Variants in KCNIP4 observed in about 807,000 individuals in gnomAD.
The protein encoded by KCNIP4 is Kv channel-interacting protein 4.
KCNIP4 carries 12 observed loss-of-function variants against 34.0 expected under a neutral mutation model. The observed-to-expected ratio is 0.35, with a 90% CI of 0.23 to 0.57. The LOEUF is 0.57. Ranked by LOEUF, KCNIP4 falls within the 20% of genes least tolerant of loss-of-function variation. The pLI is 0.83. For synonymous variants in KCNIP4, 124 were observed against 102.2 expected (o/e 1.21, Z -1.29); for missense variants, 238 against 311.7 (o/e 0.76, Z 1.78).
chr4:21,902,512 T>G (rs1428410104), intron 1 of KCNIP4, among the ~76,000 whole-genome samples: 1 of 152,022 alleles, frequency 6.6e-6, no homozygotes, highest in Non-Finnish European at 1.5e-5. Context: ...AGAAAGACCT[T>G]CTGGGAAAGA....
intron 1 of KCNIP4, among the ~76,000 whole-genome samples, chr4:21,606,069 C>G (rs1439393629): frequency 6.6e-6 from 1 of 152,110 alleles, no homozygotes; most frequent in East Asian, 1.9e-4. Context: ...CCTGAACAAT[C>G]TTACTGGGGA....
chr4:20,993,027 CAAAAA>C (rs11416440), intron 1 of KCNIP4, among the ~76,000 whole-genome samples: 1 of 42,084 alleles, frequency 2.4e-5, no homozygotes, highest in East Asian at 9.5e-4. Flanking sequence ...GACTCCATCT[CAAAAA>C]AAAAAAAAAA....
At chr4:21,562,586 A>T (rs1053793642) in intron 1 of KCNIP4, among the ~76,000 whole-genome samples, 1 of 152,060 alleles carries the variant, frequency 6.6e-6, no homozygotes, top group African/African-American at 2.4e-5. Context: ...ATCAGAACCA[A>T]ATAAAGAACA....
intron 1 of KCNIP4, among the ~76,000 whole-genome samples, chr4:21,448,568 G>A (rs1282437145): frequency 6.6e-6 from 1 of 152,140 alleles, no homozygotes; most frequent in Non-Finnish European, 1.5e-5. Flanking sequence ...GAAATAAGTT[G>A]AGGAAGAAAC....
intron 1 of KCNIP4, among the ~76,000 whole-genome samples, chr4:21,261,239 G>T (rs1761449803): frequency 6.6e-6 from 1 of 152,108 alleles, no homozygotes; most frequent in Admixed American, 6.6e-5. Flanking sequence ...ATCAATGCTT[G>T]GCTTTAAATA....
At chr4:20,835,237 C>G (rs574494431) in intron 3 of KCNIP4, among the ~76,000 whole-genome samples, 10 of 152,204 alleles carry the variant, frequency 6.6e-5, no homozygotes, top group African/African-American at 2.4e-4. Context: ...TTTCAGTGTC[C>G]TTTGCTATCT....
intron 1 of KCNIP4, among the ~76,000 whole-genome samples, chr4:20,944,186 G>A (rs904595027): frequency 6.6e-6 from 1 of 152,126 alleles, no homozygotes; most frequent in Non-Finnish European, 1.5e-5. Flanking sequence ...TCAACCCCAC[G>A]TTGATCATGC....
At chr4:21,232,112 T>C (rs1758833559) in intron 1 of KCNIP4, among the ~76,000 whole-genome samples, 1 of 152,138 alleles carries the variant, frequency 6.6e-6, no homozygotes. Context: ...AATGAATGCC[T>C]CAGTGCTCAG....
intron 1 of KCNIP4, among the ~76,000 whole-genome samples, chr4:21,922,312 C>T (rs1428687289): frequency 6.6e-6 from 1 of 152,156 alleles, no homozygotes; most frequent in Non-Finnish European, 1.5e-5. Flanking sequence ...ATAACCTACA[C>T]TCTTTGAGAG....
intron 1 of KCNIP4, among the ~76,000 whole-genome samples, chr4:21,066,307 A>G (rs1286636857): frequency 6.6e-6 from 1 of 152,138 alleles, no homozygotes; most frequent in Non-Finnish European, 1.5e-5. Flanking sequence ...GCCAAGCAAC[A>G]TGGTCAAATA....
chr4:20,991,139 C>A (rs1374041887), intron 1 of KCNIP4, among the ~76,000 whole-genome samples: 1 of 152,176 alleles, frequency 6.6e-6, no homozygotes, highest in Non-Finnish European at 1.5e-5. Flanking sequence ...ACTCAAGAGC[C>A]AGGGTTCTTA....
chr4:21,404,942 T>A (rs1414504630), intron 1 of KCNIP4, among the ~76,000 whole-genome samples: 1 of 152,172 alleles, frequency 6.6e-6, no homozygotes, highest in African/African-American at 2.4e-5. Context: ...GGCTTTTGAA[T>A]CTTCTCCTAG....
intron 1 of KCNIP4, among the ~76,000 whole-genome samples, chr4:21,095,751 A>G (rs1439284066): frequency 6.6e-6 from 1 of 152,122 alleles, no homozygotes; most frequent in African/African-American, 2.4e-5. Flanking sequence ...ATTTTAATAT[A>G]TAAGTCTTTT....
intron 1 of KCNIP4, among the ~76,000 whole-genome samples, chr4:21,222,821 C>A (rs1249941323): frequency 1.3e-5 from 2 of 152,144 alleles, no homozygotes; most frequent in African/African-American, 4.8e-5. Flanking sequence ...CACATAAGGA[C>A]AGAATCACAG....
intron 1 of KCNIP4, among the ~76,000 whole-genome samples, chr4:21,373,757 G>A (rs1459004867): frequency 6.8e-6 from 1 of 146,952 alleles, no homozygotes; most frequent in Non-Finnish European, 1.5e-5. Context: ...TCATGCTGGA[G>A]TGCAATGGCA....
chr4:20,822,398 A>G (rs1003177906), intron 3 of KCNIP4, among the ~76,000 whole-genome samples: 1 of 152,220 alleles, frequency 6.6e-6, no homozygotes, highest in African/African-American at 2.4e-5. Flanking sequence ...AAGAATGGCC[A>G]TAATTAAGAA....
intron 3 of KCNIP4, among the ~76,000 whole-genome samples, chr4:20,832,088 A>T (rs542779789): frequency 6.6e-6 from 1 of 152,278 alleles, no homozygotes; most frequent in South Asian, 2.1e-4. Context: ...TCCATATTGG[A>T]CCACAATTGT....
At chr4:21,876,911 T>A (rs1449784987) in intron 1 of KCNIP4, among the ~76,000 whole-genome samples, 1 of 151,892 alleles carries the variant, frequency 6.6e-6, no homozygotes. Context: ...ACAGGCCATG[T>A]GCAAGCCAGT....
chr4:21,377,018 C>CT (rs1560344330), intron 1 of KCNIP4, among the ~76,000 whole-genome samples: 1 of 151,756 alleles, frequency 6.6e-6, no homozygotes, highest in South Asian at 2.1e-4. Flanking sequence ...ATTTTTTTTC[C>CT]TTTTTTCTTT....
Sources: allele counts gnomAD v4.1 joint callset (sites outside exome capture counted in the v4.1 genomes callset), GRCh38; gene constraint gnomAD v4.1.1; transcripts MANE v1.5; gene names NCBI Gene and HGNC (gene_info 2026-07-23, HGNC 2026-07-21).